SCMH1: variants seen among roughly 807,000 people sequenced by gnomAD.
The protein encoded by SCMH1 is polycomb protein SCMH1.
Under a neutral mutation model 70.8 loss-of-function variants are expected in SCMH1, and 37 were observed. The observed-to-expected ratio is 0.52, with a 90% CI of 0.40 to 0.69. SCMH1 has a LOEUF of 0.69. Among genes scored for constraint, SCMH1 ranks in the 30% least tolerant of loss-of-function variants. The pLI is 0.00. For missense variants in SCMH1, 607 were observed against 827.3 expected, an observed-to-expected ratio of 0.73 and a Z score of 3.27; for synonymous variants, 292 against 307.4, an observed-to-expected ratio of 0.95 and a Z score of 0.52.
intron 8 of SCMH1, among the ~76,000 whole-genome samples, chr1:41,080,969 ATTAC>A (rs1163713145): frequency 2.0e-5 from 3 of 152,186 alleles, no homozygotes; most frequent in Admixed American, 6.5e-5. Context: ...GGGAAGAAGC[ATTAC>A]TTGTACGTGA....
intron 1 of SCMH1, among the ~76,000 whole-genome samples, chr1:41,233,149 G>C (rs991172528): frequency 6.6e-6 from 1 of 152,106 alleles, no homozygotes; most frequent in Admixed American, 6.6e-5. Flanking sequence ...CAGAACCACT[G>C]AGTGGCAAAC....
At chr1:41,199,167 A>G (rs1653714061) in intron 1 of SCMH1, among the ~76,000 whole-genome samples, 1 of 152,228 alleles carries the variant, frequency 6.6e-6, no homozygotes, top group African/African-American at 2.4e-5. Flanking sequence ...ACTTATTATT[A>G]AACTATAACA....
At chr1:41,136,100 C>T (rs1001875329) in intron 6 of SCMH1, among the ~76,000 whole-genome samples, 8 of 151,920 alleles carry the variant, frequency 5.3e-5, no homozygotes, top group East Asian at 1.9e-4. Context: ...TGAGCCACCA[C>T]GCCTGGTTAA....
rs530791215 is a variant in SCMH1 at position 41,172,357 on chromosome 1, C to A, written c.14-10925G>T. On this transcript the variant is annotated intron_variant, in intron 2 of 14. Transcript: ENST00000337495. ...CATTTACAATAGCTATAAAAAAAAA[C>A]CTACAAATAAATTTATCCAAGGAGG... 1.9e-3 allele frequency among the ~76,000 whole-genome samples: 288 copies of A among 151,172 alleles called. 2 individuals carry two copies. Among genetic ancestry groups the A allele is most frequent in the African/African-American group, 6.7e-3 (277 of 41,232 alleles).
chr1:41,077,071 T>C (rs898385792), intron 8 of SCMH1, among the ~76,000 whole-genome samples: 4 of 152,096 alleles, frequency 2.6e-5, no homozygotes, highest in Non-Finnish European at 5.9e-5. Context: ...GTGATAGTTG[T>C]GGTAGTACAA....
At chr1:41,074,593 T>C (rs9439035) in intron 9 of SCMH1, among the ~76,000 whole-genome samples, 129,342 of 152,086 alleles carry the variant, frequency 0.85, 55,495 homozygotes, top group East Asian at 0.97. Flanking sequence ...GCTTTCTGTC[T>C]ACACGCTGGA....
At chr1:41,082,524 T>C (rs909849128) in intron 8 of SCMH1, among the ~76,000 whole-genome samples, 3 of 152,132 alleles carry the variant, frequency 2.0e-5, no homozygotes, top group African/African-American at 4.8e-5. Context: ...CTAAGAGATT[T>C]TGTCACCACC....
intron 1 of SCMH1, among the ~76,000 whole-genome samples, chr1:41,230,330 T>C (rs1484950442): frequency 2.0e-5 from 3 of 152,118 alleles, no homozygotes; most frequent in East Asian, 3.8e-4. Context: ...GATGTAGTCC[T>C]AAGGGGTATC....
At chr1:41,102,943 C>T (rs1666981586) in intron 8 of SCMH1, among the ~76,000 whole-genome samples, 1 of 152,048 alleles carries the variant, frequency 6.6e-6, no homozygotes, top group African/African-American at 2.4e-5. Context: ...GCCTTCTTGC[C>T]ATATCACCCT....
At chr1:41,176,180 CAAAAAAAACAA>C (rs1305578237) in intron 2 of SCMH1, among the ~76,000 whole-genome samples, 44 of 71,290 alleles carry the variant, frequency 6.2e-4, no homozygotes, top group African/African-American at 2.1e-3. Context: ...AAAAAAAAAC[CAAAAAAAACAA>C]AAAAAAAACA....
intron 6 of SCMH1, among the ~76,000 whole-genome samples, chr1:41,129,145 T>C (rs952572446): frequency 6.6e-6 from 1 of 152,206 alleles, no homozygotes. Flanking sequence ...ATTCTAATTA[T>C]AATGGGTGAG....
chr1:41,189,818 G>T (rs563130577), intron 1 of SCMH1, among the ~76,000 whole-genome samples: 9 of 152,324 alleles, frequency 5.9e-5, no homozygotes, highest in African/African-American at 2.2e-4. Context: ...GACTTCCTTT[G>T]TCCTACAGGC....
chr1:41,197,564 C>T (rs34454389), intron 1 of SCMH1, among the ~76,000 whole-genome samples: 5 of 151,780 alleles, frequency 3.3e-5, no homozygotes, highest in Admixed American at 6.6e-5. Context: ...ATATTTAATG[C>T]GTACAGAATT....
chr1:41,090,746 A>C (rs1396708848), intron 8 of SCMH1, among the ~76,000 whole-genome samples: 3 of 152,200 alleles, frequency 2.0e-5, no homozygotes, highest in African/African-American at 7.2e-5. Context: ...TTCTTTAAAA[A>C]TGTTAGTTGA....
At chr1:41,103,819 G>A (rs1007645026) in intron 8 of SCMH1, among the ~76,000 whole-genome samples, 2 of 152,172 alleles carry the variant, frequency 1.3e-5, no homozygotes, top group African/African-American at 2.4e-5. Context: ...AGAGAGATAT[G>A]GAATGGGAGT....
intron 1 of SCMH1, among the ~76,000 whole-genome samples, chr1:41,194,332 G>A (rs1164046211): frequency 6.6e-6 from 1 of 152,108 alleles, no homozygotes. Flanking sequence ...CCTTTTCAAG[G>A]ATCTGATTTT....
intron 2 of SCMH1, among the ~76,000 whole-genome samples, chr1:41,169,732 AG>A (rs988333367): frequency 3.4e-4 from 52 of 152,362 alleles, no homozygotes; most frequent in African/African-American, 1.2e-3. Context: ...GGGGAAAAAC[AG>A]GGGGCTACAT....
intron 1 of SCMH1, among the ~76,000 whole-genome samples, chr1:41,220,263 T>C (rs939232712): frequency 6.6e-6 from 1 of 152,212 alleles, no homozygotes. Context: ...AAGCACCAAC[T>C]GCATTGTGGG....
chr1:41,181,764 G>C (rs1017566126), intron 2 of SCMH1, among the ~76,000 whole-genome samples: 93 of 152,192 alleles, frequency 6.1e-4, no homozygotes, highest in Admixed American at 7.9e-4. Flanking sequence ...CTGTAAACTA[G>C]TTCAACCCTT....
Sources: allele counts gnomAD v4.1 joint callset (sites outside exome capture counted in the v4.1 genomes callset), GRCh38; gene constraint gnomAD v4.1.1; transcripts MANE v1.5; gene names NCBI Gene and HGNC (gene_info 2026-07-23, HGNC 2026-07-21).